Variants in RGL1 observed in about 807,000 individuals in gnomAD.
RGL1 encodes ral guanine nucleotide dissociation stimulator like 1, also known as ral guanine nucleotide dissociation stimulator-like 1.
RGL1 carries 24 observed loss-of-function variants against 95.2 expected under a neutral mutation model. The ratio of observed to expected loss-of-function variants is 0.25; its 90% CI spans 0.18 to 0.35. The LOEUF (loss-of-function observed/expected upper bound fraction) is 0.35. Ranked by LOEUF, RGL1 falls within the 10% of genes least tolerant of loss-of-function variation. The pLI is 1.00. For synonymous variants in RGL1, 329 were observed against 344.9 expected (o/e 0.95, Z 0.51); for missense variants, 715 against 936.3 (o/e 0.76, Z 3.08).
At chr1:183,760,656 C>T (rs964091236) in intron 2 of RGL1, among the ~76,000 whole-genome samples, 1 of 149,432 alleles carries the variant, frequency 6.7e-6, no homozygotes, top group Admixed American at 6.7e-5. Context: ...AGGTGAGAGG[C>T]TTGCATGAAC....
chr1:183,899,505 A>T (rs1667894699), intron 10 of RGL1, among the ~76,000 whole-genome samples: 1 of 152,248 alleles, frequency 6.6e-6, no homozygotes, highest in Admixed American at 6.5e-5. Context: ...TTTAGAAAGA[A>T]TATCACAGAG....
intron 2 of RGL1, among the ~76,000 whole-genome samples, chr1:183,745,299 T>G (rs75688309): frequency 0.015 from 2,332 of 152,306 alleles, 74 homozygotes; most frequent in African/African-American, 0.054. Flanking sequence ...ACTAAAACAA[T>G]ATTTTCCCAC....
At chr1:183,761,728 C>T (rs780162301) in intron 2 of RGL1, among the ~76,000 whole-genome samples, 44 of 152,202 alleles carry the variant, frequency 2.9e-4, no homozygotes, top group African/African-American at 7.5e-4. Flanking sequence ...TAGTCCAAAA[C>T]GGCATCTTCT....
chr1:183,874,014 C>T (rs1666339482), intron 4 of RGL1, among the ~76,000 whole-genome samples: 1 of 152,128 alleles, frequency 6.6e-6, no homozygotes, highest in Admixed American at 6.5e-5. Context: ...ATGAAAACTC[C>T]CTTCTTGGAC....
chr1:183,746,861 G>A (rs889208843), intron 2 of RGL1, among the ~76,000 whole-genome samples: 16 of 151,872 alleles, frequency 1.1e-4, no homozygotes, highest in African/African-American at 3.9e-4. Flanking sequence ...GTGTTCTCAA[G>A]TTCTCATTGT....
intron 3 of RGL1, among the ~76,000 whole-genome samples, chr1:183,857,992 G>A (rs968115840): frequency 4.6e-5 from 7 of 152,156 alleles, no homozygotes; most frequent in African/African-American, 1.7e-4. Context: ...AGACCTAAGA[G>A]ATAAAAATGT....
At chr1:183,682,869 A>C (rs529032794) in intron 1 of RGL1, among the ~76,000 whole-genome samples, 1 of 152,138 alleles carries the variant, frequency 6.6e-6, no homozygotes, top group Middle Eastern at 3.2e-3. Flanking sequence ...GGGTGCGTAT[A>C]TATTTAGGAT....
At chr1:183,912,058 G>A (rs1668670240) in intron 14 of RGL1, 24 bp from the exon 15 acceptor site, 1 of 1,605,014 alleles carries the variant, frequency 6.2e-7, no homozygotes, top group South Asian at 1.1e-5. Flanking sequence ...CAGCCCAAAT[G>A]CTTGGCATTC....
intron 1 of RGL1, among the ~76,000 whole-genome samples, chr1:183,662,011 C>T (rs1651668087): frequency 6.7e-6 from 1 of 149,752 alleles, no homozygotes; most frequent in Non-Finnish European, 1.5e-5. Flanking sequence ...AATTCAACAA[C>T]CTTTCATGCT....
At chr1:183,710,901 TC>T (rs770201758) in intron 1 of RGL1, among the ~76,000 whole-genome samples, 2 of 152,086 alleles carry the variant, frequency 1.3e-5, no homozygotes, top group Admixed American at 6.6e-5. Context: ...AGGGCAAAAA[TC>T]CCTTGCTTAT....
intron 16 of RGL1, among the ~76,000 whole-genome samples, chr1:183,919,830 G>A (rs1302296393): frequency 3.9e-5 from 6 of 152,148 alleles, no homozygotes; most frequent in Admixed American, 2.6e-4. Context: ...TCAGTACCGC[G>A]CATTCAGTAC....
chr1:183,785,148 T>TCC (rs1422964858), intron 2 of RGL1, among the ~76,000 whole-genome samples: 1 of 152,164 alleles, frequency 6.6e-6, no homozygotes, highest in Non-Finnish European at 1.5e-5. Flanking sequence ...GCATGAAATC[T>TCC]CCCCATAATC....
At chr1:183,642,530 T>C (rs898951026) in intron 1 of RGL1, among the ~76,000 whole-genome samples, 1 of 152,184 alleles carries the variant, frequency 6.6e-6, no homozygotes. Context: ...TAACCAAGTA[T>C]CAAAGGCCTA....
intron 1 of RGL1, among the ~76,000 whole-genome samples, chr1:183,691,462 G>A (rs945192663): frequency 1.3e-5 from 2 of 152,074 alleles, no homozygotes; most frequent in Non-Finnish European, 2.9e-5. Context: ...CTGTTCCTTT[G>A]TTTCCTGGCT....
At chr1:183,909,903 C>T (rs190789307) in intron 14 of RGL1, among the ~76,000 whole-genome samples, 1 of 152,118 alleles carries the variant, frequency 6.6e-6, no homozygotes, top group Non-Finnish European at 1.5e-5. Context: ...CTTTATTTTG[C>T]CCTCCTTCTT....
At chr1:183,832,284 T>G (rs914671524) in intron 2 of RGL1, among the ~76,000 whole-genome samples, 3 of 152,192 alleles carry the variant, frequency 2.0e-5, no homozygotes, top group African/African-American at 7.2e-5. Flanking sequence ...CTTGGGTCAT[T>G]AAGTCAGAGG....
At chr1:183,825,785 G>A (rs1662804651) in intron 2 of RGL1, among the ~76,000 whole-genome samples, 1 of 152,130 alleles carries the variant, frequency 6.6e-6, no homozygotes, top group Non-Finnish European at 1.5e-5. Context: ...CACACTCATA[G>A]CAACAAAAAC....
intron 4 of RGL1, among the ~76,000 whole-genome samples, chr1:183,878,150 TTCTATCTATCTATCTATCTA>T (rs751622115): frequency 2.0e-4 from 22 of 111,550 alleles, no homozygotes; most frequent in African/African-American, 7.7e-4. Flanking sequence ...TTGATTTTCT[TTCTATCTATCTATCTATCTA>T]TCTATCTATC....
chr1:183,843,878 G>A (rs1191580880), intron 2 of RGL1, among the ~76,000 whole-genome samples: 1 of 152,062 alleles, frequency 6.6e-6, no homozygotes, highest in Non-Finnish European at 1.5e-5. Flanking sequence ...CCAGGCTGGA[G>A]TGCAGTGGCA....
Sources: gnomAD v4.1 joint callset for allele counts (sites outside exome capture counted in the v4.1 genomes callset) on GRCh38, gnomAD v4.1.1 for gene constraint, MANE v1.5 for transcripts, NCBI Gene and HGNC (gene_info 2026-07-23, HGNC 2026-07-21) for gene names.